APOB: variants seen among roughly 807,000 people sequenced by gnomAD.
APOB encodes the protein apolipoprotein B-100.
APOB carries 153 observed loss-of-function variants against 314.1 expected under a neutral mutation model. That is an observed-to-expected ratio of 0.49 (90% CI 0.43 to 0.56). The LOEUF is 0.56. Ranked by LOEUF, APOB falls within the 20% of genes least tolerant of loss-of-function variation. APOB has a pLI of 0.00. For missense variants in APOB, 5,430 were observed against 5,350.7 expected, an observed-to-expected ratio of 1.01 and a Z score of -0.46; for synonymous variants, 2,087 against 2,036.4, an observed-to-expected ratio of 1.02 and a Z score of -0.67.
chr2:21,010,707 A>T lies in APOB; in HGVS notation c.6161T>A (p.Ile2054Asn), dbSNP rs538245770. 3.1e-6 allele frequency: 5 copies of T among 1,614,038 alleles called. No homozygotes were observed. The Admixed American group carries it at 5.0e-5, about 16-fold the overall frequency. Residue 2054 changes from isoleucine (I) to asparagine (N), a missense_variant, in exon 26 of 29, where the codon ATT (isoleucine) becomes AAT (asparagine). Physicochemically the swap from Ile to Asn is moderately radical, Grantham distance 149 (BLOSUM62 -3). This residue lies in a region of APOB where 3,281 missense variants were observed against 3,171.0 expected (regional missense o/e 1.03). Coordinates refer to ENST00000233242, the MANE Select transcript of APOB (RefSeq NM_000384.3). The part of the protein sequence containing the change: ...DAVEKPQEFT[I>N]VAFVKYDKNQ... ...TTTATCATACTTTACAAAAGCAACA[A>T]TTGTAAATTCTTGGGGCTTCTCAAC...
Position 21,008,942 on chromosome 2 carries a change from T to C in APOB, c.7926A>G (p.Pro2642=). ...NFKDLKNIKI[P]SRFSTPEFTI... is the part of the protein sequence containing the mutation. ...TAAATTCTGGTGTGGAAAACCTGGATGGGATTTTTATATTTTTTAAGTCTT... is the reference window on the plus strand; with the variant it reads ...TAAATTCTGGTGTGGAAAACCTGGACGGGATTTTTATATTTTTTAAGTCTT... The change falls in exon 26 of 29, where the codon CCA becomes CCG. Residue 2642 remains proline (P), a synonymous_variant. Transcript: ENST00000233242. 6.2e-7 allele frequency: 1 copy of C among 1,614,056 alleles called. No individual in the cohort carries two copies. Among genetic ancestry groups the C allele is most frequent in the East Asian group, 2.2e-5 (1 of 44,884 alleles).
At chr2:21,027,745 TG>T in intron 14 of APOB, 82 bp downstream of exon 14, 1 of 1,075,194 alleles carries the variant, frequency 9.3e-7, no homozygotes, top group Non-Finnish European at 1.4e-6. Context: ...AGTTTTCCTC[TG>T]GGTAGCTCCT....
Position 21,014,462 on chromosome 2 carries a change from G to A in APOB, c.3828C>T (p.Asn1276=). 1.2e-6 allele frequency: 2 copies of A among 1,614,068 alleles called. No individual in the cohort carries two copies. Among genetic ancestry groups the A allele is most frequent in the Non-Finnish European group, 1.7e-6 (2 of 1,179,986 alleles). Residue 1276 remains asparagine, a synonymous_variant, in exon 24 of 29, where the codon AAC becomes AAT. Transcript: ENST00000233242. Reference sequence around the variant, plus strand: ...TCTTCTTTTACCTTTTTAAGAAGAGGTTTTCTGGGATGTGGAAGTCTGGCA... The same window carrying A: ...TCTTCTTTTACCTTTTTAAGAAGAGATTTTCTGGGATGTGGAAGTCTGGCA... ...MGLPDFHIPE[N]LFLKSDGRVK...
intron 10 of APOB, among the ~76,000 whole-genome samples, chr2:21,031,869 A>AC (rs1263952139): frequency 6.6e-6 from 1 of 152,140 alleles, no homozygotes; most frequent in African/African-American, 2.4e-5. Context: ...AACAACAAAA[A>AC]AAAACAAAAC....
chr2:21,009,758 C>A lies in APOB; in HGVS notation c.7110G>T (p.Leu2370Phe). The A allele has an allele frequency of 6.2e-7, 1 of 1,613,982 alleles. No homozygotes were observed. Among genetic ancestry groups the A allele is most frequent in the Non-Finnish European group, 8.5e-7 (1 of 1,179,962 alleles). Residue 2370 changes from leucine (L) to phenylalanine (F), a missense_variant, in exon 26 of 29, where the codon TTG (leucine) becomes TTT (phenylalanine). Around this residue, in one of 3 missense-constraint regions of APOB, gnomAD observed 3,281 missense variants for 3,171.0 expected, o/e 1.03. Transcript: ENST00000233242. ...KLVELAHQYK[L>F]KETIQKLSNV... ...TGCTTAGCTTCTGAATAGTCTCCTTCAACTTGTATTGGTGGGCCAACTCTA... is the reference window on the plus strand; with the variant it reads ...TGCTTAGCTTCTGAATAGTCTCCTTAAACTTGTATTGGTGGGCCAACTCTA...
At chr2:21,037,859 G>T in intron 5 of APOB, 99 bp downstream of exon 5, 2 of 1,455,296 alleles carry the variant, frequency 1.4e-6, no homozygotes, top group Non-Finnish European at 9.6e-7. Context: ...ACTAGTCATG[G>T]AGCTGACTCA....
At chr2:21,004,496 A>C (rs1425809677) in intron 27 of APOB, 44 bp from the exon 28 acceptor site, 5 of 1,613,212 alleles carry the variant, frequency 3.1e-6, no homozygotes. Flanking sequence ...AGGGGTATGG[A>C]GATGAAGAAA....
At chr2:21,033,547 C>G in intron 8 of APOB, 29 bp from the exon 9 acceptor site, 1 of 1,573,794 alleles carries the variant, frequency 6.4e-7, no homozygotes, top group Non-Finnish European at 8.7e-7. Flanking sequence ...CAAAGGAACT[C>G]TAGCTTTCTT....
chr2:21,012,703 G>T (rs751955322), intron 25 of APOB, 52 bp from the exon 26 acceptor site: 7 of 1,580,038 alleles, frequency 4.4e-6, no homozygotes, highest in Non-Finnish European at 6.0e-6. Context: ...CATTTCCAGA[G>T]CAATCTCTAT....
rs140424976 is a variant in APOB at position 21,004,331 on chromosome 2, C to T, written c.12025G>A (p.Val4009Met). The change falls in exon 28 of 29, where the codon GTG (valine) becomes ATG (methionine). Residue 4009 changes from valine to methionine, a missense_variant. Physicochemically the swap from Val to Met is conservative, Grantham distance 21. Coordinates refer to ENST00000233242, the MANE Select transcript of APOB (RefSeq NM_000384.3). ...TSAASPAVGT[V>M]GMDMDEDDDF... is the part of the protein sequence containing the mutation. The stretch of plus-strand genomic sequence containing the variant: ...TCATCTTCATCCATATCCATGCCCA[C>T]GGTGCCTACGGCTGGGGAGGCTGCT... 55 of 1,613,838 alleles carry T rather than the reference C, an allele frequency of 3.4e-5. No homozygotes were observed. Among genetic ancestry groups the T allele is most frequent in the Non-Finnish European group, 4.2e-5 (50 of 1,179,918 alleles).
rs752013064 is a variant in APOB at position 21,008,618 on chromosome 2, A to G, written c.8250T>C (p.Ile2750=). ...EFQLPHISHT[I]EVPTFGKLYS... ...ATAGCTTGCCAAAAGTAGGTACTTC[A>G]ATTGTGTGTGAGATGTGGGGAAGCT... Residue 2750 remains isoleucine (I), a synonymous_variant, in exon 26 of 29, where the codon ATT becomes ATC. Transcript: ENST00000233242. The G allele has an allele frequency of 1.2e-6, 2 of 1,613,928 alleles. No individual in the cohort carries two copies.
intron 4 of APOB, among the ~76,000 whole-genome samples, chr2:21,039,781 T>C (rs780468897): frequency 5.3e-5 from 8 of 152,034 alleles, no homozygotes; most frequent in Non-Finnish European, 1.2e-4. Context: ...GACCAAAAAA[T>C]AAACCACTCT....
At chr2:21,027,137 G>A (rs1382580080) in intron 14 of APOB, among the ~76,000 whole-genome samples, 173 bp from the exon 15 acceptor site, 1 of 152,066 alleles carries the variant, frequency 6.6e-6, no homozygotes, top group Non-Finnish European at 1.5e-5. Flanking sequence ...CTAGAATCTT[G>A]ACCTTATTAC....
In APOB at chr2:21,007,477, T is replaced by C; in HGVS notation, c.9391A>G (p.Thr3131Ala). 1 of 1,614,136 alleles carries C rather than the reference T, an allele frequency of 6.2e-7. No homozygotes were observed. ...ANLDFLNIPLTIPEMRLPYTI... is the reference protein window; with the variant it reads ...ANLDFLNIPLAIPEMRLPYTI... ...TAAGGTAGACGCATTTCAGGAATTG[T>C]TAAAGGAATGTTTAAGAAATCCAGA... The change falls in exon 26 of 29, where the codon ACA becomes GCA. Residue 3131 changes from threonine (T) to alanine (A), a missense_variant. This residue lies in a region of APOB where 3,281 missense variants were observed against 3,171.0 expected (regional missense o/e 1.03). Transcript: ENST00000233242.
chr2:21,006,778 C>A lies in APOB; in HGVS notation c.10090G>T (p.Ala3364Ser). ...AELFNQSDIV[A>S]HLLSSSSSVI... ...GATGAAGATGAAGAAAGGAGATGAGCAACAATATCTGACTGGTTAAAAAGT... is the reference window on the plus strand; with the variant it reads ...GATGAAGATGAAGAAAGGAGATGAGAAACAATATCTGACTGGTTAAAAAGT... Residue 3364 changes from alanine (A) to serine (S), a missense_variant, in exon 26 of 29, where the codon GCT (alanine) becomes TCT (serine). Ala to Ser is a moderately conservative substitution (Grantham distance 99). This residue lies in a region of APOB where 3,281 missense variants were observed against 3,171.0 expected (regional missense o/e 1.03). Coordinates refer to ENST00000233242, the MANE Select transcript of APOB (RefSeq NM_000384.3). 1 of 1,614,040 alleles carries A rather than the reference C, an allele frequency of 6.2e-7. No individual in the cohort carries two copies. The highest frequency in any genetic ancestry group is 8.5e-7 in the Non-Finnish European group (1 of 1,179,962).
intron 23 of APOB, among the ~76,000 whole-genome samples, 155 bp from the exon 24 acceptor site, chr2:21,014,748 T>C (rs924968200): frequency 6.6e-6 from 1 of 152,258 alleles, no homozygotes; most frequent in African/African-American, 2.4e-5. Flanking sequence ...TGAATCTTCG[T>C]TGCCAGTCAC....
rs139176904 is a variant in APOB, at chr2:21,028,516, G to C, written c.1640C>G (p.Thr547Ser). 6.2e-7 allele frequency: 1 copy of C among 1,613,020 alleles called. No homozygotes were observed. The highest frequency in any genetic ancestry group is 1.1e-5 in the South Asian group (1 of 91,076). Reference sequence around the variant, plus strand: ...TCCCGGAGAAGCATCATCAAGGAAAGTCTGAAGAAGAACCTCCTGGTCCTG... The same window carrying C: ...TCCCGGAGAAGCATCATCAAGGAAACTCTGAAGAAGAACCTCCTGGTCCTG... ...KDKDQEVLLQ[T>S]FLDDASPGDK... The change falls in exon 13 of 29, where the codon ACT becomes AGT. Residue 547 changes from threonine to serine, a missense_variant. Around this residue, in one of 3 missense-constraint regions of APOB, gnomAD observed 2,085 missense variants for 2,079.7 expected, o/e 1.00. Transcript: ENST00000233242.
At position 21,010,499 on chromosome 2, in the gene APOB, A is replaced by C; in HGVS notation, c.6369T>G (p.Asn2123Lys). The change falls in exon 26 of 29, where the codon AAT becomes AAG. Residue 2123 changes from asparagine (N) to lysine (K), a missense_variant. Asn to Lys is a moderately conservative substitution (Grantham distance 94, BLOSUM62 0). This residue lies in a region of APOB where 3,281 missense variants were observed against 3,171.0 expected (regional missense o/e 1.03). Transcript: ENST00000233242. ...CCCAATTGAATGAATTCAGATAATC[A>C]TTAGCTTGCTGTGGGAGTTTTCCCA... ...AALGKLPQQA[N>K]DYLNSFNWER... The C allele has an allele frequency of 6.2e-7, 1 of 1,610,376 alleles. No homozygotes were observed. The highest frequency in any genetic ancestry group is 1.3e-5 in the African/African-American group (1 of 74,998).
rs530807067 is a variant in APOB at position 21,042,011 on chromosome 2, T to G, written c.237+350A>C. The stretch of plus-strand genomic sequence containing the variant: ...ATAAAAACTGCATTTCACAGTGCGA[T>G]TCCGAGTTGCCTGCCTCCCATAGCT... On this transcript the variant is annotated intron_variant, in intron 3 of 28. Coordinates refer to ENST00000233242, the MANE Select transcript of APOB (RefSeq NM_000384.3). 9.2e-5 allele frequency among the ~76,000 whole-genome samples: 14 copies of G among 152,372 alleles called. No individual in the cohort carries two copies. The East Asian group carries it at 2.5e-3, about 27-fold the overall frequency.
Sources: allele counts gnomAD v4.1 joint callset (sites outside exome capture counted in the v4.1 genomes callset), GRCh38; gene constraint gnomAD v4.1.1; regional missense constraint gnomAD v4.1.1; transcripts MANE v1.5; gene names NCBI Gene and HGNC (gene_info 2026-07-23, HGNC 2026-07-21).